The following BICD2 variants were observed in gnomAD, a reference collection of about 807,000 sequenced individuals.
The protein encoded by BICD2 is protein bicaudal D homolog 2.
BICD2 carries 25 observed loss-of-function variants against 72.9 expected under a neutral mutation model. The observed-to-expected ratio is 0.34, with a 90% confidence interval of 0.25 to 0.48. The LOEUF (loss-of-function observed/expected upper bound fraction) is 0.48, where lower values mean the gene tolerates loss of function less well. Among genes scored for constraint, BICD2 ranks in the 20% least tolerant of loss-of-function variants. The pLI, the probability that BICD2 is intolerant of heterozygous loss-of-function variation, is 0.99. For missense variants in BICD2, 894 were observed against 1,175.2 expected (o/e 0.76, Z 3.50); for synonymous variants, 501 against 516.1 (o/e 0.97, Z 0.40).
rs775633720 is a variant in BICD2 at position 92,719,465 on chromosome 9, G to T, written c.1180C>A (p.Leu394Met). Residue 394 changes from leucine (L) to methionine (M), a missense_variant, in exon 5 of 7, where the codon CTG becomes ATG. By Grantham distance (15) the Leu-to-Met change is conservative. Coordinates refer to ENST00000356884, the MANE Select transcript of BICD2 (RefSeq NM_001003800.2). Reference protein sequence around the residue: ...QEKVTRLTENLSALRRLQASK... With the variant: ...QEKVTRLTENMSALRRLQASK... ...GCCTGCAGGCGCCGCAGGGCACTCA[G>T]ATTCTCTGTGAGGCGGGTCACCTTC... 3 of 1,614,006 alleles carry T rather than the reference G, an allele frequency of 1.9e-6. No homozygotes were observed. Among genetic ancestry groups the T allele is most frequent in the Non-Finnish European group, 1.7e-6 (2 of 1,180,040 alleles).
At chr9:92,756,638 C>T (rs1483833697) in intron 1 of BICD2, among the ~76,000 whole-genome samples, 4 of 150,720 alleles carry the variant, frequency 2.7e-5, no homozygotes, top group African/African-American at 9.7e-5. Flanking sequence ...TTTGGGAGGC[C>T]GAGGCAGGCA....
At chr9:92,754,902 G>A (rs1479614476) in intron 1 of BICD2, among the ~76,000 whole-genome samples, 1 of 152,092 alleles carries the variant, frequency 6.6e-6, no homozygotes, top group Non-Finnish European at 1.5e-5. Context: ...ATGTGTGTTT[G>A]AGCAATATGA....
rs1306312626 is a variant in BICD2 at position 92,715,597 on chromosome 9, A to G, written c.2259-134T>C. 8.1e-6 allele frequency: 7 copies of G among 866,058 alleles called. No homozygotes were observed. In the East Asian group the frequency reaches 1.9e-4, roughly 24 times the overall value. The allele number at this position is 866,058 out of a possible 1,614,324, so 53.6% of individuals were successfully genotyped here. ...TCCTTCAATGTGGCCTCTGGACTGG[A>G]GGGTGTGGCTGGGGAAGAATTATTC... On this transcript the variant is annotated intron_variant, in intron 6 of 6. Coordinates refer to ENST00000356884, the MANE Select transcript of BICD2 (RefSeq NM_001003800.2).
intron 1 of BICD2, among the ~76,000 whole-genome samples, chr9:92,736,275 G>A (rs141795410): frequency 6.6e-6 from 1 of 152,222 alleles, no homozygotes; most frequent in Admixed American, 6.5e-5. Flanking sequence ...GTGATCTCCG[G>A]TTGTCCTCAC....
Position 92,752,334 on chromosome 9 carries a change from T to TA in BICD2, c.240+12170dup, listed in dbSNP as rs75607850. On this transcript the variant is annotated intron_variant, in intron 1 of 6. Transcript: ENST00000356884. ...AGTGCCAGAAAGGAAGGAAGCACTT[T>TA]AAAAAAAAAAAAAGAGGCACCATGA... is the stretch of plus-strand genomic sequence containing the variant. Among the ~76,000 whole-genome samples, 391 of 144,538 alleles carry TA rather than the reference T, an allele frequency of 2.7e-3. 5 individuals are homozygous for TA. The highest frequency in any genetic ancestry group is 1.7e-3 in the Non-Finnish European group (111 of 65,820). 94.8% of individuals were successfully genotyped at this position (144,538 alleles called of 152,430 possible). A position where few individuals can be genotyped will look rare whatever the true frequency, so the allele number is the denominator to read the frequency against.
At chr9:92,730,058 G>A (rs936449532) in intron 1 of BICD2, among the ~76,000 whole-genome samples, 4 of 152,172 alleles carry the variant, frequency 2.6e-5, no homozygotes, top group Non-Finnish European at 5.9e-5. Flanking sequence ...GAGTGGCCCA[G>A]CCTCCAAGCA....
intron 3 of BICD2, 71 bp downstream of exon 3, chr9:92,722,585 G>A (rs991598338): frequency 1.9e-6 from 3 of 1,596,674 alleles, no homozygotes; most frequent in African/African-American, 2.7e-5. Flanking sequence ...ACAGGGAGAG[G>A]GGCTGAGCAA....
At chr9:92,748,744 G>A (rs1289696307) in intron 1 of BICD2, among the ~76,000 whole-genome samples, 2 of 152,164 alleles carry the variant, frequency 1.3e-5, no homozygotes, top group Non-Finnish European at 2.9e-5. Flanking sequence ...TTCCTAAGCA[G>A]ATACAGGCAA....
chr9:92,764,461 CCCGGCG>C lies in BICD2; in HGVS notation c.240+38_240+43del. The stretch of plus-strand genomic sequence containing the variant: ...GGTGCCAGGGACGACGCCCACAGGC[CCCGGCG>C]CCGGGCGGGGGTCGCAGGGCAGGGC... On this transcript the variant is annotated intron_variant, in intron 1 of 6. Coordinates refer to ENST00000356884, the MANE Select transcript of BICD2 (RefSeq NM_001003800.2). This position sits in a 1 kb window ranked among gnomAD's most constrained non-coding sequence, Gnocchi z 5.5. The C allele has an allele frequency of 6.9e-7, 1 of 1,450,288 alleles. No individual in the cohort carries two copies. The highest frequency in any genetic ancestry group is 9.1e-7 in the Non-Finnish European group (1 of 1,094,878). 89.8% of individuals were successfully genotyped at this position (1,450,288 alleles called of 1,614,324 possible). A position where few individuals can be genotyped will look rare whatever the true frequency, so the allele number is the denominator to read the frequency against.
intron 1 of BICD2, among the ~76,000 whole-genome samples, chr9:92,750,423 T>C (rs1051724465): frequency 2.0e-5 from 3 of 151,484 alleles, no homozygotes; most frequent in East Asian, 2.0e-4. Context: ...AACAGATAAA[T>C]TGTGGTTCAC....
chr9:92,751,575 G>A (rs911960275), intron 1 of BICD2, among the ~76,000 whole-genome samples: 1 of 152,182 alleles, frequency 6.6e-6, no homozygotes, highest in Non-Finnish European at 1.5e-5. Context: ...TGTTACTGCT[G>A]TACATGTGAA....
chr9:92,759,788 C>G (rs1169496421), intron 1 of BICD2, among the ~76,000 whole-genome samples: 1 of 152,234 alleles, frequency 6.6e-6, no homozygotes, highest in Non-Finnish European at 1.5e-5. Context: ...ATCTTTCTTA[C>G]CCCCGATGTG....
intron 1 of BICD2, among the ~76,000 whole-genome samples, chr9:92,763,470 C>T (rs1186478403): frequency 6.6e-6 from 1 of 152,206 alleles, no homozygotes; most frequent in Non-Finnish European, 1.5e-5. Context: ...CAGTACTGCA[C>T]TCCCATTTTG....
At chr9:92,719,966 T>C (rs1293103180) in intron 4 of BICD2, among the ~76,000 whole-genome samples, 2 of 152,214 alleles carry the variant, frequency 1.3e-5, no homozygotes, top group African/African-American at 4.8e-5. Context: ...CAGGGATCCA[T>C]GTCCCAGGGG....
rs10992430 is a variant in BICD2, at chr9:92,715,669, G to T, written c.2259-206C>A. ...TTGCTTGGACAAATCCCTGATAAGG[G>T]TGAGAGGGAGGCTTGGGCCCAGGCA... On this transcript the variant is annotated intron_variant, in intron 6 of 6. Transcript: ENST00000356884. 0.28 allele frequency among the ~76,000 whole-genome samples: 42,108 copies of T among 152,170 alleles called. 6,919 individuals carry two copies. The highest frequency in any genetic ancestry group is 0.76 in the East Asian group (3,924 of 5,154).
intron 1 of BICD2, among the ~76,000 whole-genome samples, chr9:92,754,362 T>C (rs1398150612): frequency 1.3e-5 from 2 of 152,146 alleles, no homozygotes; most frequent in Non-Finnish European, 2.9e-5. Flanking sequence ...GGGCTCTGTG[T>C]ACACTAGTGT....
intron 1 of BICD2, among the ~76,000 whole-genome samples, chr9:92,760,799 G>A (rs1169516335): frequency 3.3e-5 from 5 of 152,080 alleles, no homozygotes; most frequent in Non-Finnish European, 7.4e-5. Context: ...AAGGCCCTTG[G>A]GTCTCCCAGA....
intron 2 of BICD2, among the ~76,000 whole-genome samples, chr9:92,726,762 A>G (rs1330964287): frequency 1.3e-5 from 2 of 152,124 alleles, no homozygotes; most frequent in African/African-American, 2.4e-5. Flanking sequence ...GTGTGCAGGG[A>G]GTCTCAGGAT....
intron 1 of BICD2, among the ~76,000 whole-genome samples, chr9:92,740,204 AG>A (rs1432646862): frequency 6.6e-6 from 1 of 152,204 alleles, no homozygotes; most frequent in African/African-American, 2.4e-5. Context: ...TCAGGGCATA[AG>A]GAAATGATAT....
Sources: allele counts gnomAD v4.1 joint callset (sites outside exome capture counted in the v4.1 genomes callset), GRCh38; gene constraint gnomAD v4.1.1; non-coding constraint Gnocchi (gnomAD v3.1); transcripts MANE v1.5; gene names NCBI Gene and HGNC (gene_info 2026-07-23, HGNC 2026-07-21).